WDR11: variants seen among roughly 807,000 people sequenced by gnomAD.
WDR11 encodes the protein WD repeat domain 11.
WDR11 carries 83 observed loss-of-function variants against 151.2 expected under a neutral mutation model. That is an observed-to-expected ratio of 0.55 (90% confidence interval 0.46 to 0.66). The LOEUF (loss-of-function observed/expected upper bound fraction) is 0.66. WDR11 is among the 30% of genes least tolerant of loss of function. The pLI is 0.00. For missense variants in WDR11, 1,301 were observed against 1,480.9 expected (o/e 0.88, Z 1.99); for synonymous variants, 484 against 533.1 (o/e 0.91, Z 1.27).
intron 19 of WDR11, among the ~76,000 whole-genome samples, chr10:120,894,562 T>C (rs1044728837): frequency 2.0e-5 from 3 of 152,134 alleles, no homozygotes; most frequent in Admixed American, 6.5e-5. Context: ...AATCACAAAA[T>C]ATGGTCCTTT....
intron 19 of WDR11, among the ~76,000 whole-genome samples, chr10:120,893,744 G>C (rs888063060): frequency 1.3e-5 from 2 of 151,926 alleles, no homozygotes; most frequent in Non-Finnish European, 2.9e-5. Context: ...GTGGTTTTGA[G>C]TTGCATTTCT....
chr10:120,853,389 C>T (rs1035500259), intron 2 of WDR11, among the ~76,000 whole-genome samples: 3 of 152,020 alleles, frequency 2.0e-5, no homozygotes, highest in Non-Finnish European at 4.4e-5. Flanking sequence ...CCTCAGCCTC[C>T]TGAGTAGCTG....
chr10:120,853,486 C>T (rs1467662134), intron 2 of WDR11, among the ~76,000 whole-genome samples: 2 of 152,040 alleles, frequency 1.3e-5, no homozygotes, highest in African/African-American at 4.8e-5. Flanking sequence ...AGGATGGTCT[C>T]GAGCTCCTGA....
chr10:120,858,585 T>C (rs1846027492), intron 2 of WDR11, 58 bp from the exon 3 acceptor site: 1 of 1,602,862 alleles, frequency 6.2e-7, no homozygotes, highest in Non-Finnish European at 8.5e-7. Context: ...TTTGTGAAAA[T>C]TATGTTCTGT....
At position 120,860,099 on chromosome 10, in the gene WDR11, G is replaced by T. The variant is rs1041663451; in HGVS notation, c.353-10G>T. 1 of 1,613,958 alleles carries T rather than the reference G, an allele frequency of 6.2e-7. No homozygotes were observed. Among genetic ancestry groups the T allele is most frequent in the Non-Finnish European group, 8.5e-7 (1 of 1,180,022 alleles). On this transcript the variant is annotated splice_polypyrimidine_tract_variant and intron_variant, in intron 3 of 28. Coordinates refer to ENST00000263461, the MANE Select transcript of WDR11 (RefSeq NM_018117.12). The stretch of plus-strand genomic sequence containing the variant: ...TCTGAATTTTGCCTTTCTTTATCGG[G>T]TCTTTCCAGATGTTCAGTGGTTGTG...
chr10:120,907,831 C>T (rs950915075), intron 28 of WDR11: 1 of 143,164 alleles, frequency 7.0e-6, no homozygotes, highest in Non-Finnish European at 1.5e-5. Context: ...TTGGTAGTAA[C>T]CCGGGTCTCA....
chr10:120,851,521 C>T lies in WDR11; in HGVS notation c.86+15C>T, dbSNP rs751324938. ...GCGGTGGACTGGTGAGGACGCCGAG[C>T]TTCCAGGTCGCCAGGATCGGCCAGG... On this transcript the variant is annotated intron_variant, in intron 1 of 28. Coordinates refer to ENST00000263461, the MANE Select transcript of WDR11 (RefSeq NM_018117.12). The T allele has an allele frequency of 1.3e-5, 21 of 1,607,116 alleles. No individual in the cohort carries two copies. Among genetic ancestry groups the T allele is most frequent in the Non-Finnish European group, 1.7e-6 (2 of 1,177,928 alleles).
At position 120,878,333 on chromosome 10, in the gene WDR11, T is replaced by G; in HGVS notation, c.1557-20T>G. 6.5e-7 allele frequency: 1 copy of G among 1,549,068 alleles called. No individual in the cohort carries two copies. Among genetic ancestry groups the G allele is most frequent in the Non-Finnish European group, 8.9e-7 (1 of 1,122,508 alleles). On this transcript the variant is annotated intron_variant, in intron 11 of 28. Coordinates refer to ENST00000263461, the MANE Select transcript of WDR11 (RefSeq NM_018117.12). ...TAAAAAAGAGAATTAGTTTAACCTTTATCTCATTTCCTATTATAGGGGTAT... is the reference window on the plus strand; with the variant it reads ...TAAAAAAGAGAATTAGTTTAACCTTGATCTCATTTCCTATTATAGGGGTAT...
intron 9 of WDR11, among the ~76,000 whole-genome samples, chr10:120,867,481 TGCCAACTCAGG>T (rs1253399150): frequency 1.8e-4 from 28 of 152,366 alleles, no homozygotes; most frequent in African/African-American, 6.7e-4. Flanking sequence ...AGCTATGCCA[TGCCAACTCAGG>T]GCCTTGCTGT....
intron 11 of WDR11, among the ~76,000 whole-genome samples, chr10:120,877,450 A>T (rs1015058541): frequency 6.6e-6 from 1 of 152,106 alleles, no homozygotes; most frequent in Admixed American, 6.6e-5. Context: ...CATTAAGAAA[A>T]TTTCACAGAA....
At chr10:120,889,252 T>TGTTTTGTTTG in intron 17 of WDR11, 68 bp downstream of exon 17, 1 of 1,276,070 alleles carries the variant, frequency 7.8e-7, no homozygotes, top group Admixed American at 1.7e-5. Context: ...TGTTTTGTTT[T>TGTTTTGTTTG]GTTGAGATGG....
chr10:120,889,363 G>A (rs531268160), intron 17 of WDR11, 179 bp downstream of exon 17: 59 of 556,534 alleles, frequency 1.1e-4, no homozygotes, highest in African/African-American at 9.9e-4. Context: ...TCAGCCACCC[G>A]AGTAGCTGGG....
intron 12 of WDR11, chr10:120,879,022 G>T (rs1205778897): frequency 6.6e-6 from 1 of 152,136 alleles, no homozygotes; most frequent in Non-Finnish European, 1.5e-5. Context: ...TAAAGAATTT[G>T]AAAATATAAT....
rs773854407 is a variant in WDR11 at position 120,890,024 on chromosome 10, T to C, written c.2343+15T>C. On this transcript the variant is annotated intron_variant, in intron 18 of 28. Coordinates refer to ENST00000263461, the MANE Select transcript of WDR11 (RefSeq NM_018117.12). ...ATACTAAAGAGGTAGGCCCTCTCCATGAGGATAAAACGTAAATAAATTGTT... is the reference window on the plus strand; with the variant it reads ...ATACTAAAGAGGTAGGCCCTCTCCACGAGGATAAAACGTAAATAAATTGTT... 1 of 1,532,244 alleles carries C rather than the reference T, an allele frequency of 6.5e-7. No individual in the cohort carries two copies. The highest frequency in any genetic ancestry group is 9.0e-7 in the Non-Finnish European group (1 of 1,106,446). 94.9% of individuals were successfully genotyped at this position (1,532,244 alleles called of 1,614,324 possible).
At chr10:120,906,097 G>T in intron 27 of WDR11, 76 bp downstream of exon 27, 1 of 1,611,242 alleles carries the variant, frequency 6.2e-7, no homozygotes, top group Non-Finnish European at 8.5e-7. Context: ...GGTTCTAGCA[G>T]GTCATGGTAC....
chr10:120,889,241 T>C (rs537613004), intron 17 of WDR11, 57 bp downstream of exon 17: 134 of 1,305,286 alleles, frequency 1.0e-4, no homozygotes, highest in Admixed American at 2.0e-4. Flanking sequence ...TGAAATCTTT[T>C]TGTTTTGTTT....
chr10:120,872,073 T>G (rs978093286), intron 10 of WDR11, among the ~76,000 whole-genome samples: 1 of 152,236 alleles, frequency 6.6e-6, no homozygotes, highest in Non-Finnish European at 1.5e-5. Context: ...ATCGGCTGGC[T>G]TCTGGCTTTC....
Position 120,851,435 on chromosome 10 carries a change from A to G in WDR11, c.15A>G (p.Thr5=), listed in dbSNP as rs1845766375. 1.9e-6 allele frequency: 3 copies of G among 1,611,738 alleles called. No homozygotes were observed. Among genetic ancestry groups the G allele is most frequent in the African/African-American group, 2.7e-5 (2 of 74,922 alleles). The part of the protein sequence containing the change: MLPY[T]VNFKVSARTL... Reference sequence around the variant, plus strand: ...TGGCCGCCGGGATGTTGCCCTACACAGTGAACTTCAAGGTGTCGGCGCGCA... The same window carrying G: ...TGGCCGCCGGGATGTTGCCCTACACGGTGAACTTCAAGGTGTCGGCGCGCA... Residue 5 remains threonine (T), a synonymous_variant, in exon 1 of 29, where the codon ACA becomes ACG. Transcript: ENST00000263461.
chr10:120,880,975 A>C, intron 13 of WDR11, 74 bp downstream of exon 13: 1 of 1,352,684 alleles, frequency 7.4e-7, no homozygotes, highest in Admixed American at 2.0e-5. Flanking sequence ...ATCTTTAAGA[A>C]AATGGGAATG....
Sources: gnomAD v4.1 joint callset for allele counts (sites outside exome capture counted in the v4.1 genomes callset) on GRCh38, gnomAD v4.1.1 for gene constraint, MANE v1.5 for transcripts, NCBI Gene and HGNC (gene_info 2026-07-23, HGNC 2026-07-21) for gene names.